Variants in RAB23 observed in about 807,000 individuals in gnomAD.
RAB23 encodes the protein RAB23, member RAS oncogene family, also known as ras-related protein Rab-23.
Under a neutral mutation model 30.0 loss-of-function variants are expected in RAB23, and 15 were observed. That is an observed-to-expected ratio of 0.50 (90% CI 0.33 to 0.77). RAB23 has a LOEUF of 0.77. Ranked by LOEUF, RAB23 falls within the 30% of genes least tolerant of loss-of-function variation. The pLI, the probability that RAB23 is intolerant of heterozygous loss-of-function variation, is 0.02. For missense variants in RAB23, 243 were observed against 275.4 expected (o/e 0.88, Z 0.83); for synonymous variants, 93 against 94.0 (o/e 0.99, Z 0.06).
chr6:57,217,863 G>A (rs1041789656), intron 1 of RAB23, among the ~76,000 whole-genome samples: 13 of 152,134 alleles, frequency 8.5e-5, no homozygotes, highest in Non-Finnish European at 1.6e-4. Flanking sequence ...ACACAAAAAA[G>A]AGAGAGGATA....
chr6:57,208,784 ACCACTGCT>A (rs779847578), intron 2 of RAB23, among the ~76,000 whole-genome samples: 1 of 152,190 alleles, frequency 6.6e-6, no homozygotes, highest in Non-Finnish European at 1.5e-5. Flanking sequence ...CAAATACTGA[ACCACTGCT>A]CCTAAGGGAA....
At chr6:57,210,834 T>C (rs1765627853) in intron 1 of RAB23, among the ~76,000 whole-genome samples, 2 of 152,216 alleles carry the variant, frequency 1.3e-5, no homozygotes, top group Admixed American at 1.3e-4. Context: ...ATACGGTTAT[T>C]GATCAATGAT....
At position 57,188,074 on chromosome 6, in the gene RAB23, T is replaced by TA. The variant is rs1431838727; in HGVS notation, c.*2386dup. ...CTACGCAAAAGATTAGCCGTAATGT[T>TA]AAAAAAGTAGATTAGAGCACAAATG... On this transcript the variant is annotated 3_prime_UTR_variant, in exon 7 of 7. Coordinates refer to ENST00000468148, the MANE Select transcript of RAB23 (RefSeq NM_016277.5). The TA allele has an allele frequency of 1.3e-5, 2 of 152,176 alleles. No individual in the cohort carries two copies. The highest frequency in any genetic ancestry group is 3.2e-3 in the Middle Eastern group (1 of 316). The allele number at this position is 152,176 out of a possible 1,614,324, so 9.4% of individuals were successfully genotyped here.
At position 57,188,418 on chromosome 6, in the gene RAB23, C is replaced by CAGAG. The variant is rs1305241521; in HGVS notation, c.*2039_*2042dup. 3.3e-5 allele frequency: 5 copies of CAGAG among 152,274 alleles called. No individual in the cohort carries two copies. In the East Asian group the frequency reaches 5.8e-4, roughly 18 times the overall value. 9.4% of individuals were successfully genotyped at this position (152,274 alleles called of 1,614,324 possible). Reference sequence around the variant, plus strand: ...ATATTACAGGAACTGTAACTATCCTCAGAGATTACTTTTTTTAAATATAGA... The same window carrying CAGAG: ...ATATTACAGGAACTGTAACTATCCTCAGAGAGAGATTACTTTTTTTAAATATAGA... On this transcript the variant is annotated 3_prime_UTR_variant, in exon 7 of 7. Transcript: ENST00000468148.
chr6:57,213,853 C>G (rs919566761), intron 1 of RAB23, among the ~76,000 whole-genome samples: 1 of 151,866 alleles, frequency 6.6e-6, no homozygotes, highest in Admixed American at 6.6e-5. Flanking sequence ...AGTCAAAGGA[C>G]CAGGAAAGGG....
At position 57,187,331 on chromosome 6, in the gene RAB23, T is replaced by C. The variant is rs1203922255; in HGVS notation, c.*3130A>G. ...AGTTTGATGACTGGATATTTCAGAG[T>C]CTACTGCGGGTTTTAAATATTTTGT... On this transcript the variant is annotated 3_prime_UTR_variant, in exon 7 of 7. Coordinates refer to ENST00000468148, the MANE Select transcript of RAB23 (RefSeq NM_016277.5). 1 of 152,080 alleles carries C rather than the reference T, an allele frequency of 6.6e-6. No homozygotes were observed. The highest frequency in any genetic ancestry group is 1.5e-5 in the Non-Finnish European group (1 of 68,004). 9.4% of individuals were successfully genotyped at this position (152,080 alleles called of 1,614,324 possible). A position where few individuals can be genotyped will look rare whatever the true frequency, so the allele number is the denominator to read the frequency against.
At chr6:57,191,036 C>T (rs1691952015) in intron 6 of RAB23, among the ~76,000 whole-genome samples, 1 of 152,204 alleles carries the variant, frequency 6.6e-6, no homozygotes. Flanking sequence ...CAACGTAGAA[C>T]ACTGAAGCAT....
At chr6:57,194,214 G>C (rs981699603) in intron 5 of RAB23, among the ~76,000 whole-genome samples, 2 of 151,878 alleles carry the variant, frequency 1.3e-5, no homozygotes, top group Admixed American at 1.3e-4. Context: ...TTAATACTAA[G>C]CAACACTAAA....
chr6:57,210,530 C>A lies in RAB23; in HGVS notation c.-65-85G>T, dbSNP rs1221840496. 13 of 868,768 alleles carry A rather than the reference C, an allele frequency of 1.5e-5. No homozygotes were observed. The Middle Eastern group carries it at 9.2e-4, about 62-fold the overall frequency. 53.8% of individuals were successfully genotyped at this position (868,768 alleles called of 1,614,324 possible). A position where few individuals can be genotyped will look rare whatever the true frequency, so the allele number is the denominator to read the frequency against. On this transcript the variant is annotated intron_variant, in intron 1 of 6. Coordinates refer to ENST00000468148, the MANE Select transcript of RAB23 (RefSeq NM_016277.5). Reference sequence around the variant, plus strand: ...GTTTTATCAAGAAATTATCACATTGCATTGCAAGGATGTGTTTTCATAACT... The same window carrying A: ...GTTTTATCAAGAAATTATCACATTGAATTGCAAGGATGTGTTTTCATAACT...
chr6:57,204,679 T>C (rs1765388289), intron 3 of RAB23, among the ~76,000 whole-genome samples: 1 of 152,104 alleles, frequency 6.6e-6, no homozygotes, highest in African/African-American at 2.4e-5. Flanking sequence ...AAAAGATAAT[T>C]AGCTTAAAGG....
At chr6:57,191,299 T>G (rs570571139) in intron 6 of RAB23, among the ~76,000 whole-genome samples, 1 of 152,312 alleles carries the variant, frequency 6.6e-6, no homozygotes, top group Non-Finnish European at 1.5e-5. Flanking sequence ...CTTTTCCTAC[T>G]TATCCTTCCA....
intron 3 of RAB23, among the ~76,000 whole-genome samples, chr6:57,199,456 T>C (rs942792779): frequency 1.3e-5 from 2 of 152,198 alleles, no homozygotes; most frequent in East Asian, 1.9e-4. Context: ...GCCCCACCCA[T>C]GTGGCGCAGT....
chr6:57,194,820 T>G lies in RAB23; in HGVS notation c.431A>C (p.Lys144Thr). ...CACTGATGTTCTGTAGAATCTTAAC[T>G]TTAACCTTTTTGCCAGTGCCTCAGC... Reference protein sequence around the residue: ...EEAEALAKRLKLRFYRTSVKE... With the variant: ...EEAEALAKRLTLRFYRTSVKE... The change falls in exon 5 of 7, where the codon AAG (lysine) becomes ACG (threonine). Residue 144 changes from lysine (K) to threonine (T), a missense_variant. Physicochemically the swap from Lys to Thr is moderately conservative, Grantham distance 78. Coordinates refer to ENST00000468148, the MANE Select transcript of RAB23 (RefSeq NM_016277.5). The G allele has an allele frequency of 6.2e-7, 1 of 1,613,510 alleles. No homozygotes were observed. Among genetic ancestry groups the G allele is most frequent in the South Asian group, 1.1e-5 (1 of 91,020 alleles).
chr6:57,211,756 A>G (rs929489823), intron 1 of RAB23, among the ~76,000 whole-genome samples: 4 of 152,258 alleles, frequency 2.6e-5, no homozygotes, highest in Non-Finnish European at 5.9e-5. Flanking sequence ...CAGTGAAAGC[A>G]ATAGAATGGG....
At chr6:57,219,990 T>G (rs1765995427) in intron 1 of RAB23, among the ~76,000 whole-genome samples, 1 of 152,208 alleles carries the variant, frequency 6.6e-6, no homozygotes, top group Non-Finnish European at 1.5e-5. Context: ...AAAGACAGAC[T>G]GGAAGAAAAT....
intron 2 of RAB23, among the ~76,000 whole-genome samples, chr6:57,207,958 A>C (rs1248273562): frequency 6.6e-6 from 1 of 152,202 alleles, no homozygotes; most frequent in South Asian, 2.1e-4. Context: ...AAAACTCATA[A>C]GCTGAACTAT....
intron 3 of RAB23, among the ~76,000 whole-genome samples, chr6:57,204,405 AAAG>A (rs943028489): frequency 1.3e-5 from 2 of 152,208 alleles, no homozygotes; most frequent in African/African-American, 2.4e-5. Context: ...GTGACACATT[AAAG>A]AAGACTTCCA....
intron 1 of RAB23, among the ~76,000 whole-genome samples, chr6:57,220,521 T>C (rs1766015340): frequency 1.3e-5 from 2 of 152,184 alleles, no homozygotes; most frequent in Non-Finnish European, 2.9e-5. Context: ...TGGGCAGATG[T>C]TGAAACAGAC....
In RAB23 at chr6:57,222,061, C is replaced by G. The variant is rs549506454; in HGVS notation, c.-401G>C. Reference sequence around the variant, plus strand: ...CCGCGGACCCGCCGCCCGGCGCCACCGGCTCCTCCTGGTCGCGGCGCAACC... The same window carrying G: ...CCGCGGACCCGCCGCCCGGCGCCACGGGCTCCTCCTGGTCGCGGCGCAACC... On this transcript the variant is annotated 5_prime_UTR_variant, in exon 1 of 7. Transcript: ENST00000468148. The G allele has an allele frequency of 7.9e-5, 12 of 152,580 alleles. No homozygotes were observed. In the East Asian group the frequency reaches 2.1e-3, roughly 27 times the overall value. The allele number at this position is 152,580 out of a possible 1,614,324, so 9.5% of individuals were successfully genotyped here.
Sources: allele counts gnomAD v4.1 joint callset (sites outside exome capture counted in the v4.1 genomes callset), GRCh38; gene constraint gnomAD v4.1.1; transcripts MANE v1.5; gene names NCBI Gene and HGNC (gene_info 2026-07-23, HGNC 2026-07-21).